The following GPHN variants were observed in gnomAD, a reference collection of about 807,000 sequenced individuals.
GPHN encodes the protein gephyrin.
A neutral mutation model predicts 95.5 loss-of-function variants in GPHN; 17 were observed. The observed-to-expected ratio is 0.18, with a 90% CI of 0.12 to 0.27. GPHN has a LOEUF of 0.27. GPHN is among the 10% of genes least tolerant of loss of function. GPHN has a pLI of 1.00. For synonymous variants in GPHN, 320 were observed against 322.5 expected (o/e 0.99, Z 0.08); for missense variants, 660 against 978.1 (o/e 0.67, Z 4.34).
intron 2 of GPHN, among the ~76,000 whole-genome samples, chr14:66,720,068 A>G (rs1465811107): frequency 6.6e-6 from 1 of 152,208 alleles, no homozygotes; most frequent in Non-Finnish European, 1.5e-5. Context: ...AAAGTGACAT[A>G]GAATCTAAAT....
chr14:67,381,782 A>T, the GPHN span: 1 of 890,016 alleles, frequency 1.1e-6, no homozygotes, highest in Non-Finnish European at 1.7e-6. Context: ...TTTTAATCAC[A>T]TTTCATAACA....
the GPHN span, among the ~76,000 whole-genome samples, chr14:67,546,951 A>G: frequency 6.6e-6 from 1 of 152,248 alleles, no homozygotes; most frequent in East Asian, 1.9e-4. Flanking sequence ...TGTCTACCCT[A>G]TTCCTCAGGG....
chr14:67,407,229 C>A, the GPHN span, among the ~76,000 whole-genome samples: 1 of 152,226 alleles, frequency 6.6e-6, no homozygotes. Flanking sequence ...TCAAGCAATT[C>A]TCTTGCCTCA....
At chr14:67,562,008 G>C in the GPHN span, 2 of 1,613,942 alleles carry the variant, frequency 1.2e-6, no homozygotes, top group South Asian at 2.2e-5. Context: ...GGTGGAGCAG[G>C]TGGGATCCCT....
chr14:66,764,517 C>G (rs914507618), intron 2 of GPHN, among the ~76,000 whole-genome samples: 1 of 151,838 alleles, frequency 6.6e-6, no homozygotes, highest in Non-Finnish European at 1.5e-5. Flanking sequence ...ACTTACACAA[C>G]AAATACGTGC....
chr14:66,851,415 A>C (rs531148208), intron 4 of GPHN, among the ~76,000 whole-genome samples: 3 of 151,888 alleles, frequency 2.0e-5, no homozygotes, highest in Non-Finnish European at 2.9e-5. Context: ...TTTGTGTTTT[A>C]CCGAACTTTG....
intron 9 of GPHN, among the ~76,000 whole-genome samples, chr14:66,995,147 T>C (rs1345227949): frequency 6.6e-6 from 1 of 152,168 alleles, no homozygotes; most frequent in Non-Finnish European, 1.5e-5. Flanking sequence ...AACAACTTCA[T>C]CTTACATGGC....
chr14:67,452,246 C>A, the GPHN span, among the ~76,000 whole-genome samples: 1 of 151,518 alleles, frequency 6.6e-6, no homozygotes. Context: ...TCATTTGAAC[C>A]CGGAAGGCAG....
chr14:66,591,693 A>C (rs1448491999), intron 1 of GPHN, among the ~76,000 whole-genome samples: 3 of 152,222 alleles, frequency 2.0e-5, no homozygotes, highest in Non-Finnish European at 2.9e-5. Flanking sequence ...AAGCTCATGG[A>C]TAAGAAGAAT....
the GPHN span, among the ~76,000 whole-genome samples, chr14:67,250,930 A>C: frequency 6.6e-6 from 1 of 152,160 alleles, no homozygotes; most frequent in Non-Finnish European, 1.5e-5. Context: ...TGTGTCTCTT[A>C]ATGTGTTATG....
chr14:66,610,747 A>G (rs1170712318), intron 1 of GPHN, among the ~76,000 whole-genome samples: 1 of 152,266 alleles, frequency 6.6e-6, no homozygotes. Flanking sequence ...AGAGACTCAC[A>G]ATACAACATG....
intron 2 of GPHN, among the ~76,000 whole-genome samples, chr14:66,688,317 G>T (rs2067535008): frequency 6.6e-6 from 1 of 152,150 alleles, no homozygotes; most frequent in Non-Finnish European, 1.5e-5. Context: ...AGGCAGAGAA[G>T]AGTTGTCAGG....
At chr14:67,696,040 T>A in the GPHN span, among the ~76,000 whole-genome samples, 1 of 152,162 alleles carries the variant, frequency 6.6e-6, no homozygotes, top group East Asian at 1.9e-4. Context: ...ATGAAAACAC[T>A]GCTTTTTATC....
the GPHN span, chr14:67,360,026 G>A: frequency 2.9e-5 from 15 of 509,248 alleles, no homozygotes; most frequent in Non-Finnish European, 4.5e-5. Context: ...CCAGGCCAAA[G>A]ACTAGGAGCG....
At chr14:66,552,969 T>TTTTTTTC (rs1316495469) in intron 1 of GPHN, among the ~76,000 whole-genome samples, 4 of 151,878 alleles carry the variant, frequency 2.6e-5, no homozygotes, top group African/African-American at 9.7e-5. Flanking sequence ...AACTTCTTTT[T>TTTTTTTC]TTTTTTCTTT....
chr14:67,663,280 C>A, the GPHN span: 1 of 898,254 alleles, frequency 1.1e-6, no homozygotes, highest in Non-Finnish European at 1.7e-6. Context: ...ATAGTTTATA[C>A]TACAGGTTTT....
At chr14:66,683,364 A>G (rs74560804) in intron 2 of GPHN, among the ~76,000 whole-genome samples, 23 of 27,164 alleles carry the variant, frequency 8.5e-4, no homozygotes, top group African/African-American at 2.0e-3. Context: ...ATATATATAT[A>G]TATATATATA....
At chr14:67,553,743 G>A in the GPHN span, among the ~76,000 whole-genome samples, 11,693 of 152,252 alleles carry the variant, frequency 0.077, 480 homozygotes, top group East Asian at 0.13. Context: ...TATCTGCCCC[G>A]TGGCTGCATG....
intron 8 of GPHN, among the ~76,000 whole-genome samples, chr14:66,942,806 G>T (rs1363543420): frequency 2.0e-5 from 3 of 152,084 alleles, no homozygotes; most frequent in African/African-American, 7.2e-5. Context: ...CACTCAAAAA[G>T]CCAGGTATCA....
Sources: allele counts gnomAD v4.1 joint callset (sites outside exome capture counted in the v4.1 genomes callset), GRCh38; gene constraint gnomAD v4.1.1; transcripts MANE v1.5; gene names NCBI Gene and HGNC (gene_info 2026-07-23, HGNC 2026-07-21).